The following CXCL13 variants were observed in gnomAD, a reference collection of about 807,000 sequenced individuals.
CXCL13 encodes C-X-C motif chemokine ligand 13, also known as C-X-C motif chemokine 13.
In CXCL13, 7 loss-of-function variants were observed where a neutral mutation model predicts 12.2. That is an observed-to-expected ratio of 0.57 (90% CI 0.33 to 1.07). The LOEUF is 1.07. CXCL13 is among the 50% of genes least tolerant of loss of function. The pLI is 0.04. For missense variants in CXCL13, 113 were observed against 127.4 expected, an observed-to-expected ratio of 0.89 and a Z score of 0.55; for synonymous variants, 47 against 42.4, an observed-to-expected ratio of 1.11 and a Z score of -0.42.
At chr4:77,526,868 A>T (rs975497992) in intron 1 of CXCL13, among the ~76,000 whole-genome samples, 3 of 152,182 alleles carry the variant, frequency 2.0e-5, no homozygotes, top group South Asian at 4.1e-4. Flanking sequence ...CCACTTGAAC[A>T]GCCAAGCAGA....
At chr4:77,538,438 T>G (rs1477185046) in intron 1 of CXCL13, among the ~76,000 whole-genome samples, 2 of 151,804 alleles carry the variant, frequency 1.3e-5, no homozygotes, top group African/African-American at 2.4e-5. Context: ...TTTTTTTTTT[T>G]TTCCTACAGC....
intron 1 of CXCL13, among the ~76,000 whole-genome samples, chr4:77,573,630 A>T (rs1726144654): frequency 6.6e-6 from 1 of 151,896 alleles, no homozygotes; most frequent in African/African-American, 2.4e-5. Flanking sequence ...TTTTAAAAAA[A>T]ATTGGCCAAT....
chr4:77,596,745 A>G (rs1726769495), intron 1 of CXCL13, among the ~76,000 whole-genome samples: 1 of 148,894 alleles, frequency 6.7e-6, no homozygotes, highest in African/African-American at 2.5e-5. Flanking sequence ...AGACCGCGCC[A>G]TTGCACTCTA....
At chr4:77,552,781 A>G (rs774414128) in intron 1 of CXCL13, among the ~76,000 whole-genome samples, 1 of 152,234 alleles carries the variant, frequency 6.6e-6, no homozygotes, top group Non-Finnish European at 1.5e-5. Flanking sequence ...CTTCTGATCC[A>G]ACAGAGTGCA....
chr4:77,536,620 G>T (rs888011006), intron 1 of CXCL13, among the ~76,000 whole-genome samples: 2 of 152,202 alleles, frequency 1.3e-5, no homozygotes, highest in East Asian at 3.9e-4. Context: ...TTAGCATGGT[G>T]CTGGGTAAGA....
In CXCL13 at chr4:77,572,086, G is replaced by A. The variant is rs1325909811; in HGVS notation, c.-42-33738G>A. 5.3e-5 allele frequency among the ~76,000 whole-genome samples: 8 copies of A among 151,962 alleles called. No homozygotes were observed. The South Asian group carries it at 6.2e-4, about 12-fold the overall frequency. ...CACATTAAGAGCTGTAACACTCACC[G>A]CGAGGGTCCGCGGCTTCATTCTTGA... On this transcript the variant is annotated intron_variant, in intron 1 of 4. Transcript: ENST00000286758.
chr4:77,512,511 T>G (rs544210453), intron 1 of CXCL13, among the ~76,000 whole-genome samples: 1 of 152,198 alleles, frequency 6.6e-6, no homozygotes, highest in Non-Finnish European at 1.5e-5. Flanking sequence ...CTTCCCTCTT[T>G]GGCTTGTAAA....
intron 1 of CXCL13, among the ~76,000 whole-genome samples, chr4:77,567,421 A>G (rs556420776): frequency 1.3e-5 from 2 of 152,246 alleles, no homozygotes; most frequent in East Asian, 3.9e-4. Context: ...AAGAGTGGCA[A>G]CTCTCCACAC....
At chr4:77,585,600 T>C (rs1726436751) in intron 1 of CXCL13, among the ~76,000 whole-genome samples, 1 of 152,218 alleles carries the variant, frequency 6.6e-6, no homozygotes, top group Non-Finnish European at 1.5e-5. Context: ...TTTCCTTTCC[T>C]ACACCAGTCT....
chr4:77,562,372 G>A (rs1018907791), intron 1 of CXCL13, among the ~76,000 whole-genome samples: 1 of 152,062 alleles, frequency 6.6e-6, no homozygotes, highest in African/African-American at 2.4e-5. Flanking sequence ...GCACCGGGGT[G>A]CAGGATCCAC....
At chr4:77,563,828 A>G (rs1725867921) in intron 1 of CXCL13, among the ~76,000 whole-genome samples, 1 of 152,224 alleles carries the variant, frequency 6.6e-6, no homozygotes, top group African/African-American at 2.4e-5. Context: ...GGAGGAATGA[A>G]CAGGTGTCTT....
At chr4:77,571,853 G>A (rs977812631) in intron 1 of CXCL13, among the ~76,000 whole-genome samples, 15 of 151,692 alleles carry the variant, frequency 9.9e-5, no homozygotes, top group South Asian at 2.1e-4. Context: ...AACACTCACC[G>A]CGAAGATCTG....
chr4:77,538,589 C>T (rs1479097830), intron 1 of CXCL13, among the ~76,000 whole-genome samples: 1 of 151,958 alleles, frequency 6.6e-6, no homozygotes, highest in African/African-American at 2.4e-5. Context: ...GGGCTTTGTG[C>T]TTTAGAGGTA....
intron 1 of CXCL13, among the ~76,000 whole-genome samples, chr4:77,539,871 G>A (rs1370491202): frequency 9.2e-5 from 14 of 151,980 alleles, no homozygotes; most frequent in African/African-American, 2.4e-5. Flanking sequence ...GGGTAGGGGG[G>A]GAATCCCTAT....
At chr4:77,565,464 G>A (rs760301341) in intron 1 of CXCL13, among the ~76,000 whole-genome samples, 1 of 152,188 alleles carries the variant, frequency 6.6e-6, no homozygotes, top group Non-Finnish European at 1.5e-5. Context: ...TTCACTAACT[G>A]TGAGTTTGTT....
At chr4:77,590,471 A>G (rs1471491923) in intron 1 of CXCL13, among the ~76,000 whole-genome samples, 1 of 152,256 alleles carries the variant, frequency 6.6e-6, no homozygotes, top group African/African-American at 2.4e-5. Context: ...AATGATTTTC[A>G]ACAGAATTGC....
chr4:77,585,486 A>T (rs1385337547), intron 1 of CXCL13, among the ~76,000 whole-genome samples: 2 of 152,196 alleles, frequency 1.3e-5, no homozygotes, highest in Non-Finnish European at 2.9e-5. Flanking sequence ...CTTTCTCATA[A>T]CATGCACAAA....
At chr4:77,550,511 A>G (rs1232719444) in intron 1 of CXCL13, among the ~76,000 whole-genome samples, 4 of 152,100 alleles carry the variant, frequency 2.6e-5, no homozygotes, top group Admixed American at 6.5e-5. Flanking sequence ...CCCTTTTTTT[A>G]AACTTACTGA....
chr4:77,553,435 T>C (rs1725581453), intron 1 of CXCL13, among the ~76,000 whole-genome samples: 1 of 152,224 alleles, frequency 6.6e-6, no homozygotes, highest in South Asian at 2.1e-4. Flanking sequence ...TCTGGAAAAA[T>C]GCTTACAGCT....
Sources: allele counts gnomAD v4.1 joint callset (sites outside exome capture counted in the v4.1 genomes callset), GRCh38; gene constraint gnomAD v4.1.1; transcripts MANE v1.5; gene names NCBI Gene and HGNC (gene_info 2026-07-23, HGNC 2026-07-21).